The following CPZ variants were observed in gnomAD, a reference collection of about 807,000 sequenced individuals.
CPZ encodes carboxypeptidase Z.
Under a neutral mutation model 61.8 loss-of-function variants are expected in CPZ, and 103 were observed. The observed-to-expected ratio is 1.67, with a 90% CI of 1.42 to 1.96. The LOEUF (loss-of-function observed/expected upper bound fraction) is 1.96, where lower values mean the gene tolerates loss of function less well. Ranked by LOEUF, CPZ falls within the 30% of genes most tolerant of loss-of-function variation. CPZ has a pLI of 0.00. For missense variants in CPZ, 1,461 were observed against 914.9 expected (o/e 1.60, Z -7.70); for synonymous variants, 551 against 373.7 (o/e 1.47, Z -5.47).
At chr4:8,617,152 G>A (rs940276106) in intron 9 of CPZ, among the ~76,000 whole-genome samples, 7 of 152,252 alleles carry the variant, frequency 4.6e-5, no homozygotes, top group Non-Finnish European at 8.8e-5. Context: ...CAGGCCAGTC[G>A]GTTTCTGCAT....
chr4:8,603,623 C>A (rs1420977576), intron 3 of CPZ: 2 of 287,882 alleles, frequency 6.9e-6, no homozygotes, highest in Non-Finnish European at 1.3e-5. Flanking sequence ...CCAGGAAAAT[C>A]CCCTCTGCAC....
chr4:8,614,672 C>A (rs543884269), intron 9 of CPZ, among the ~76,000 whole-genome samples, 174 bp downstream of exon 9: 1 of 152,186 alleles, frequency 6.6e-6, no homozygotes, highest in Non-Finnish European at 1.5e-5. Context: ...ATACAGTAGC[C>A]GGCTCTCCTT....
At chr4:8,618,406 T>C (rs370805187) in intron 9 of CPZ, 23 bp from the exon 10 acceptor site, 1 of 1,610,852 alleles carries the variant, frequency 6.2e-7, no homozygotes, top group Non-Finnish European at 8.5e-7. Context: ...GCCATCTCCC[T>C]GGCCTCCCCT....
At chr4:8,599,671 G>T in intron 2 of CPZ, 186 bp downstream of exon 2, 1 of 1,425,744 alleles carries the variant, frequency 7.0e-7, no homozygotes, top group South Asian at 1.5e-5. Flanking sequence ...AAAAAGACCA[G>T]CTAGGAAAAG....
Position 8,618,440 on chromosome 4 carries a change from C to G in CPZ, c.1515C>G (p.Gly505=). The change falls in exon 10 of 11, where the codon GGC becomes GGG. Residue 505 remains glycine, a synonymous_variant. Coordinates refer to ENST00000360986, the MANE Select transcript of CPZ (RefSeq NM_001014447.3). The part of the protein sequence containing the change: ...LLNFVETVHR[G]IKGVVTDKFG... ...CTTGGTCTCTTCAGGTGCACCGGGG[C>G]ATCAAAGGTGTGGTGACAGATAAAT... The G allele has an allele frequency of 6.2e-7, 1 of 1,609,796 alleles. No individual in the cohort carries two copies. Among genetic ancestry groups the G allele is most frequent in the Non-Finnish European group, 8.5e-7 (1 of 1,177,406 alleles).
chr4:8,601,538 A>T (rs1297827390), intron 3 of CPZ, 41 bp downstream of exon 3: 1 of 1,428,610 alleles, frequency 7.0e-7, no homozygotes. Flanking sequence ...CATGGGGTCC[A>T]GGTGGTCAAG....
rs1560294761 is a variant in CPZ at position 8,606,054 on chromosome 4, A to G, written c.775A>G (p.Ile259Val). Residue 259 changes from isoleucine (I) to valine (V), a missense_variant, in exon 5 of 11, where the codon ATC (isoleucine) becomes GTC (valine). Transcript: ENST00000360986. ...CGAGGTGGCGGGCCGGGAGATGCTC[A>G]TCTACCTAGCCCAGTACCTGTGCTC... ...GNEVAGREML[I>V]YLAQYLCSEY... 1 of 1,611,134 alleles carries G rather than the reference A, an allele frequency of 6.2e-7. No homozygotes were observed. Among genetic ancestry groups the G allele is most frequent in the African/African-American group, 1.3e-5 (1 of 74,972 alleles).
At chr4:8,599,676 G>A (rs764756626) in intron 2 of CPZ, 191 bp downstream of exon 2, 9 of 1,417,562 alleles carry the variant, frequency 6.3e-6, no homozygotes, top group Non-Finnish European at 8.3e-6. Flanking sequence ...GACCAGCTAG[G>A]AAAAGGTGCA....
intron 7 of CPZ, 126 bp from the exon 8 acceptor site, chr4:8,611,901 A>G (rs574066009): frequency 7.4e-7 from 1 of 1,344,608 alleles, no homozygotes; most frequent in African/African-American, 1.4e-5. Flanking sequence ...CTACCTGCAG[A>G]CACCATTCCC....
intron 3 of CPZ, chr4:8,602,128 G>C (rs1475839124): frequency 6.6e-6 from 1 of 152,422 alleles, no homozygotes; most frequent in East Asian, 1.9e-4. Flanking sequence ...AGGGGGAGTG[G>C]GCAAGACTGG....
At chr4:8,611,771 G>A (rs185890835) in intron 7 of CPZ, among the ~76,000 whole-genome samples, 38 of 152,076 alleles carry the variant, frequency 2.5e-4, no homozygotes, top group African/African-American at 8.0e-4. Flanking sequence ...GCAGAGTCTC[G>A]GTGATTACCC....
chr4:8,607,176 T>TTGGAGCCCAGAGGGCTGC (rs1560295903), intron 6 of CPZ, 91 bp from the exon 7 acceptor site: 14 of 1,441,932 alleles, frequency 9.7e-6, no homozygotes, highest in Admixed American at 2.1e-5. Context: ...GTCTGCACCA[T>TTGGAGCCCAGAGGGCTGC]TGGAGCCCAG....
chr4:8,613,075 T>G (rs1715847511), intron 8 of CPZ, among the ~76,000 whole-genome samples: 1 of 151,734 alleles, frequency 6.6e-6, no homozygotes, highest in African/African-American at 2.4e-5. Flanking sequence ...CATAGCCCTG[T>G]GACTGGGGTC....
At chr4:8,598,048 C>T (rs146537234) in intron 1 of CPZ, among the ~76,000 whole-genome samples, 11 of 152,340 alleles carry the variant, frequency 7.2e-5, no homozygotes, top group Admixed American at 3.9e-4. Flanking sequence ...CAAGGGCAGC[C>T]GTGTCTTCCC....
At chr4:8,605,589 AG>A (rs1211130514) in intron 4 of CPZ, among the ~76,000 whole-genome samples, 120 of 114,734 alleles carry the variant, frequency 1.0e-3, no homozygotes, top group South Asian at 6.9e-3. Flanking sequence ...CCATCCAGCC[AG>A]CCATTATTCA....
chr4:8,618,738 G>GTA (rs1226592336), intron 10 of CPZ, among the ~76,000 whole-genome samples: 1 of 152,194 alleles, frequency 6.6e-6, no homozygotes, highest in Non-Finnish European at 1.5e-5. Flanking sequence ...TTGCCCAGCC[G>GTA]TAGCTACTGA....
At chr4:8,605,467 CATTCATGCATCA>C (rs1187383010) in intron 4 of CPZ, among the ~76,000 whole-genome samples, 1 of 152,024 alleles carries the variant, frequency 6.6e-6, no homozygotes, top group Admixed American at 6.6e-5. Flanking sequence ...TCCGTCCATC[CATTCATGCATCA>C]ATTTATCCAT....
At position 8,619,367 on chromosome 4, in the gene CPZ, G is replaced by T. The variant is rs113699437; in HGVS notation, c.1709G>T (p.Arg570Leu). 5.6e-6 allele frequency: 9 copies of T among 1,614,052 alleles called. No individual in the cohort carries two copies. Among genetic ancestry groups the T allele is most frequent in the Non-Finnish European group, 7.6e-6 (9 of 1,180,028 alleles). The change falls in exon 11 of 11, where the codon CGG becomes CTG. Residue 570 changes from arginine (R) to leucine (L), a missense_variant. Arg to Leu is a moderately radical substitution (Grantham distance 102). Transcript: ENST00000360986. ...ATCAAGAAAGTCATCATCCCCGCCC[G>T]GATGAAGAGGGCTGGCCGTGTGGAC... ...KVIKKVIIPA[R>L]MKRAGRVDFI...
At position 8,614,397 on chromosome 4, in the gene CPZ, G is replaced by A; in HGVS notation, c.1402G>A (p.Glu468Lys). 1 of 1,613,966 alleles carries A rather than the reference G, an allele frequency of 6.2e-7. No individual in the cohort carries two copies. The highest frequency in any genetic ancestry group is 8.5e-7 in the Non-Finnish European group (1 of 1,179,932). Residue 468 changes from glutamate (E) to lysine (K), a missense_variant, in exon 9 of 11, where the codon GAG becomes AAG. Physicochemically the swap from Glu to Lys is moderately conservative, Grantham distance 56 (BLOSUM62 1). Coordinates refer to ENST00000360986, the MANE Select transcript of CPZ (RefSeq NM_001014447.3). ...CAACTACCTGCACACCAACTGCTTTGAGATCACGGTAGAGCTGGGCTGTGT... is the reference window on the plus strand; with the variant it reads ...CAACTACCTGCACACCAACTGCTTTAAGATCACGGTAGAGCTGGGCTGTGT... ...DFNYLHTNCFEITVELGCVKF... is the reference protein window; with the variant it reads ...DFNYLHTNCFKITVELGCVKF...
Sources: gnomAD v4.1 joint callset for allele counts (sites outside exome capture counted in the v4.1 genomes callset) on GRCh38, gnomAD v4.1.1 for gene constraint, MANE v1.5 for transcripts, NCBI Gene and HGNC (gene_info 2026-07-23, HGNC 2026-07-21) for gene names.